CDON: variants seen among roughly 807,000 people sequenced by gnomAD.
The protein encoded by CDON is cell adhesion associated, oncogene regulated.
CDON carries 73 observed loss-of-function variants against 120.9 expected under a neutral mutation model. The observed-to-expected ratio is 0.60, with a 90% CI of 0.50 to 0.73. The LOEUF is 0.73. CDON is among the 30% of genes least tolerant of loss of function. The probability of loss-of-function intolerance (pLI) is 0.00; values close to 1 mark genes in which losing one functional copy is unlikely to be tolerated. For missense variants in CDON, 1,470 were observed against 1,587.3 expected, an observed-to-expected ratio of 0.93 and a Z score of 1.26; for synonymous variants, 566 against 573.5, an observed-to-expected ratio of 0.99 and a Z score of 0.19.
chr11:126,001,653 A>G lies in CDON; in HGVS notation c.2158+66T>C, dbSNP rs894935320. ...ATAAACAAACACCCTATTCCACCCC[A>G]CCTCCCAAAATCTGAAGCAGGTCAG... On this transcript the variant is annotated intron_variant, in intron 11 of 19. Transcript: ENST00000531738. 4.9e-6 allele frequency: 7 copies of G among 1,428,592 alleles called. No homozygotes were observed. In the African/African-American group the frequency reaches 9.8e-5, roughly 20 times the overall value. The allele number at this position is 1,428,592 out of a possible 1,614,324, so 88.5% of individuals were successfully genotyped here.
At position 126,004,067 on chromosome 11, in the gene CDON, C is replaced by G. The variant is rs1947042517; in HGVS notation, c.1861G>C (p.Gly621Arg). 1 of 1,613,820 alleles carries G rather than the reference C, an allele frequency of 6.2e-7. No individual in the cohort carries two copies. The highest frequency in any genetic ancestry group is 1.7e-5 in the Admixed American group (1 of 59,982). ...TGCCAGCTTCCCAGCATGCCAACCC[C>G]ATCATCCAGCTGCCCAAGAGAAAAC... Reference protein sequence around the residue: ...YFVKYRKLDDGVGMLGSWHTV... With the variant: ...YFVKYRKLDDRVGMLGSWHTV... Residue 621 changes from glycine to arginine, a missense_variant, in exon 10 of 20, where the codon GGG becomes CGG. Coordinates refer to ENST00000531738, the MANE Select transcript of CDON (RefSeq NM_001378964.1).
chr11:125,994,851 T>C lies in CDON; in HGVS notation c.2544+20A>G. On this transcript the variant is annotated intron_variant, in intron 13 of 19. Coordinates refer to ENST00000531738, the MANE Select transcript of CDON (RefSeq NM_001378964.1). ...ACATGACCAAACCACAAAATCTCAT[T>C]CCAGAAGATGTGTACTGACCGTCCA... The C allele has an allele frequency of 6.2e-7, 1 of 1,604,460 alleles. No homozygotes were observed. The highest frequency in any genetic ancestry group is 8.5e-7 in the Non-Finnish European group (1 of 1,171,440).
At position 125,960,533 on chromosome 11, in the gene CDON, C is replaced by T. The variant is rs996739078; in HGVS notation, c.*409G>A. 12 of 221,412 alleles carry T rather than the reference C, an allele frequency of 5.4e-5. No homozygotes were observed. The highest frequency in any genetic ancestry group is 9.9e-5 in the Non-Finnish European group (11 of 111,312). The allele number at this position is 221,412 out of a possible 1,614,324, so 13.7% of individuals were successfully genotyped here. A position where few individuals can be genotyped will look rare whatever the true frequency, so the allele number is the denominator to read the frequency against. On this transcript the variant is annotated 3_prime_UTR_variant, in exon 20 of 20. Transcript: ENST00000531738. ...AGTCTGAGAATACACTATTGAAAGA[C>T]CATTTTCCACCTGAAAACCCAGCTG...
chr11:126,015,890 G>A (rs1273564190), intron 6 of CDON, among the ~76,000 whole-genome samples: 2 of 152,164 alleles, frequency 1.3e-5, no homozygotes, highest in Non-Finnish European at 2.9e-5. Flanking sequence ...AGCCAAAACA[G>A]AAGAACGTTT....
chr11:125,964,720 G>T (rs1945741224), intron 18 of CDON, among the ~76,000 whole-genome samples: 1 of 152,114 alleles, frequency 6.6e-6, no homozygotes, highest in Non-Finnish European at 1.5e-5. Flanking sequence ...TGGCTGACAA[G>T]AATAGGGCAC....
Position 126,010,352 on chromosome 11 carries a change from GA to G in CDON, c.1540del (p.Ser514LeufsTer38). 1 of 1,607,344 alleles carries G rather than the reference GA, an allele frequency of 6.2e-7. No homozygotes were observed. The highest frequency in any genetic ancestry group is 1.1e-5 in the South Asian group (1 of 90,364). On this transcript the variant is annotated frameshift_variant, in exon 8 of 20. Coordinates refer to ENST00000531738, the MANE Select transcript of CDON (RefSeq NM_001378964.1). LOFTEE classifies it high-confidence loss of function. Reference protein sequence around the residue: ...NEHGTTQAEASLMVVPFETNT... With the variant: ...NEHGTTQAEAXLMVVPFETNT... ...TAATGGCAACTCACCAACCATGAGA[GA>G]TGCTTCTGCCTGTGTGGTACCATGT...
intron 16 of CDON, among the ~76,000 whole-genome samples, chr11:125,981,670 G>A (rs1264561052): frequency 6.6e-6 from 1 of 151,992 alleles, no homozygotes; most frequent in African/African-American, 2.4e-5. Context: ...AAATCACCTA[G>A]GGAGAAATTA....
chr11:126,059,550 T>C (rs1314251785), intron 1 of CDON, among the ~76,000 whole-genome samples: 2 of 128,020 alleles, frequency 1.6e-5, no homozygotes, highest in Admixed American at 9.6e-5. Context: ...CATACACACA[T>C]ACAAAAAAGG....
At chr11:126,055,545 T>C (rs916253788) in intron 1 of CDON, among the ~76,000 whole-genome samples, 2 of 152,176 alleles carry the variant, frequency 1.3e-5, no homozygotes, top group African/African-American at 2.4e-5. Flanking sequence ...AGAAAAGATC[T>C]TGAATATGGT....
intron 15 of CDON, among the ~76,000 whole-genome samples, chr11:125,984,696 C>A (rs1319396743): frequency 1.6e-4 from 19 of 115,384 alleles, no homozygotes; most frequent in African/African-American, 2.9e-4. Flanking sequence ...GATTCTGTCT[C>A]AAAAAAAAAA....
At chr11:126,015,206 A>G (rs149981814) in intron 7 of CDON, 35 bp downstream of exon 7, 150 of 1,605,776 alleles carry the variant, frequency 9.3e-5, no homozygotes, top group Admixed American at 4.8e-4. Flanking sequence ...CTGTAAAATA[A>G]AAGTTCTTAT....
In CDON at chr11:125,997,325, AC is replaced by A; in HGVS notation, c.2243del (p.Gly748ValfsTer14). ...CGACTTTGAAGGCAGTGATTGGAGA[AC>A]CCCCGTTTGCCCGAGGAATCCAAGT... Reference protein sequence around the residue: ...YVTWIPRANGGSPITAFKVEY... With the variant: ...YVTWIPRANGXSPITAFKVEY... On this transcript the variant is annotated frameshift_variant, in exon 12 of 20. Transcript: ENST00000531738. LOFTEE classifies it high-confidence loss of function. The A allele has an allele frequency of 1.2e-6, 2 of 1,613,700 alleles. No homozygotes were observed. Among genetic ancestry groups the A allele is most frequent in the South Asian group, 1.1e-5 (1 of 91,058 alleles).
intron 16 of CDON, 118 bp downstream of exon 16, chr11:125,983,754 T>C (rs768735040): frequency 5.1e-6 from 4 of 782,390 alleles, no homozygotes; most frequent in Non-Finnish European, 8.8e-6. Flanking sequence ...GAAGAGTATC[T>C]AATGTGTTTC....
At chr11:125,981,543 G>A (rs1417749072) in intron 16 of CDON, among the ~76,000 whole-genome samples, 1 of 152,116 alleles carries the variant, frequency 6.6e-6, no homozygotes, top group African/African-American at 2.4e-5. Context: ...TTTTTAAAAT[G>A]TTCACTTAAA....
chr11:126,058,336 C>A (rs561401497), intron 1 of CDON, among the ~76,000 whole-genome samples: 34 of 152,064 alleles, frequency 2.2e-4, no homozygotes, highest in Non-Finnish European at 4.6e-4. Flanking sequence ...CAAAATATAC[C>A]GCACAGCAAA....
At chr11:125,984,675 A>C (rs489564) in intron 15 of CDON, among the ~76,000 whole-genome samples, 39,432 of 149,502 alleles carry the variant, frequency 0.26, 5,459 homozygotes, top group African/African-American at 0.34. Context: ...TCAACCTGGA[A>C]GACAGAGTGA....
chr11:125,986,867 T>A, intron 15 of CDON, among the ~76,000 whole-genome samples: 1 of 77,976 alleles, frequency 1.3e-5, no homozygotes. Flanking sequence ...AGAAGTCATC[T>A]TTCAAGAGAA....
intron 18 of CDON, among the ~76,000 whole-genome samples, chr11:125,964,137 C>T (rs1193407682): frequency 6.6e-6 from 1 of 152,170 alleles, no homozygotes; most frequent in African/African-American, 2.4e-5. Flanking sequence ...CCTCAAGTCC[C>T]CCTGAATGTA....
chr11:125,965,157 C>T (rs1339550236), intron 18 of CDON, among the ~76,000 whole-genome samples: 6 of 152,146 alleles, frequency 3.9e-5, no homozygotes. Flanking sequence ...TCTCAAACTC[C>T]TGAGTTCAGG....
Sources: gnomAD v4.1 joint callset for allele counts (sites outside exome capture counted in the v4.1 genomes callset) on GRCh38, gnomAD v4.1.1 for gene constraint, MANE v1.5 for transcripts, NCBI Gene and HGNC (gene_info 2026-07-23, HGNC 2026-07-21) for gene names.